Variants in GRID1 observed in about 807,000 individuals in gnomAD.
GRID1 encodes the protein glutamate receptor ionotropic, delta-1.
A neutral mutation model predicts 98.0 loss-of-function variants in GRID1; 28 were observed. The ratio of observed to expected loss-of-function variants is 0.29; its 90% CI spans 0.21 to 0.39. The LOEUF is 0.39. Among genes scored for constraint, GRID1 ranks in the 10% least tolerant of loss-of-function variants. GRID1 has a pLI of 1.00. For synonymous variants in GRID1, 553 were observed against 538.5 expected (o/e 1.03, Z -0.37); for missense variants, 1,111 against 1,340.5 (o/e 0.83, Z 2.67).
chr10:86,288,969 C>T (rs1449710788), intron 2 of GRID1, among the ~76,000 whole-genome samples: 2 of 152,180 alleles, frequency 1.3e-5, no homozygotes, highest in African/African-American at 4.8e-5. Flanking sequence ...CAGCTCACCC[C>T]ACCATGTCTG....
chr10:85,919,803 C>A (rs529809914), intron 4 of GRID1, among the ~76,000 whole-genome samples: 4 of 152,338 alleles, frequency 2.6e-5, no homozygotes, highest in African/African-American at 4.8e-5. Flanking sequence ...AGCCTTTTCA[C>A]TTCTCTGAGC....
At chr10:85,865,944 C>T (rs7342011) in intron 6 of GRID1, among the ~76,000 whole-genome samples, 7,206 of 64,850 alleles carry the variant, frequency 0.11, 453 homozygotes, top group South Asian at 0.16. Context: ...TATATATATA[C>T]ACATATATAT....
chr10:86,019,016 C>T (rs1274173868), intron 4 of GRID1, among the ~76,000 whole-genome samples: 2 of 152,232 alleles, frequency 1.3e-5, no homozygotes, highest in Non-Finnish European at 2.9e-5. Context: ...GGACACCTAA[C>T]ACTGGATTCT....
chr10:86,068,256 T>C (rs1194405717), intron 4 of GRID1, among the ~76,000 whole-genome samples: 1 of 152,100 alleles, frequency 6.6e-6, no homozygotes, highest in Non-Finnish European at 1.5e-5. Flanking sequence ...TGCAAACATA[T>C]TTGCATGTCA....
chr10:85,901,479 A>T (rs1247945374), intron 5 of GRID1, among the ~76,000 whole-genome samples: 1 of 152,066 alleles, frequency 6.6e-6, no homozygotes, highest in Non-Finnish European at 1.5e-5. Context: ...CAATCTCCTG[A>T]CCTCGTGATC....
At position 86,358,627 on chromosome 10, in the gene GRID1, G is replaced by A. The variant is rs531747160; in HGVS notation, c.235+5314C>T. The stretch of plus-strand genomic sequence containing the variant: ...CAAAAAATTAGCCGGGCATGGTGGC[G>A]GGCGCCTGTAGTCCCAGCTACTCGG... On this transcript the variant is annotated intron_variant, in intron 2 of 15. Coordinates refer to ENST00000327946, the MANE Select transcript of GRID1 (RefSeq NM_017551.3). Among the ~76,000 whole-genome samples the A allele has an allele frequency of 7.2e-5, 11 of 151,932 alleles. 1 individual carries two copies. The highest frequency in any genetic ancestry group is 1.9e-4 in the East Asian group (1 of 5,136).
intron 13 of GRID1, among the ~76,000 whole-genome samples, chr10:85,639,073 T>C (rs766882739): frequency 2.2e-4 from 33 of 152,180 alleles, no homozygotes; most frequent in Non-Finnish European, 4.0e-4. Context: ...CTTTCAAATT[T>C]AGCAAAGAAA....
chr10:85,636,594 A>C (rs574506040), intron 13 of GRID1, among the ~76,000 whole-genome samples: 1 of 152,372 alleles, frequency 6.6e-6, no homozygotes, highest in African/African-American at 2.4e-5. Flanking sequence ...AAAGCAAAAT[A>C]AAGCAAAAAT....
At chr10:86,246,508 G>C (rs1846729939) in intron 2 of GRID1, among the ~76,000 whole-genome samples, 4 of 152,124 alleles carry the variant, frequency 2.6e-5, no homozygotes, top group Admixed American at 2.6e-4. Flanking sequence ...CAGCTCACAG[G>C]GAAGAGGAGG....
intron 4 of GRID1, among the ~76,000 whole-genome samples, chr10:86,045,283 C>T (rs113010562): frequency 0.044 from 6,669 of 152,248 alleles, 173 homozygotes; most frequent in Middle Eastern, 0.068. Flanking sequence ...GACTCTGCTT[C>T]GGAAATCTTC....
At chr10:85,964,048 C>T (rs531572873) in intron 4 of GRID1, among the ~76,000 whole-genome samples, 4 of 151,974 alleles carry the variant, frequency 2.6e-5, no homozygotes, top group Non-Finnish European at 5.9e-5. Context: ...GCTACTAAGA[C>T]AATAAAATAC....
chr10:86,363,756 C>T (rs1055329367), intron 2 of GRID1, among the ~76,000 whole-genome samples, 185 bp downstream of exon 2: 32 of 152,258 alleles, frequency 2.1e-4, no homozygotes, highest in Non-Finnish European at 2.6e-4. Flanking sequence ...GCCCGCAGCG[C>T]AGAGCAGTCC....
At chr10:86,364,213 CT>C in intron 1 of GRID1, 117 bp from the exon 2 acceptor site, 2 of 797,260 alleles carry the variant, frequency 2.5e-6, no homozygotes, top group Non-Finnish European at 4.1e-6. Flanking sequence ...GAAGTCTGAA[CT>C]GGGATTTCAG....
chr10:85,895,400 C>CT (rs1841277533), intron 5 of GRID1, among the ~76,000 whole-genome samples: 1 of 152,076 alleles, frequency 6.6e-6, no homozygotes, highest in Admixed American at 6.6e-5. Flanking sequence ...GCTCTAGTGT[C>CT]TCCTCAGCTC....
At chr10:86,147,015 T>C (rs68144202) in intron 3 of GRID1, among the ~76,000 whole-genome samples, 7,639 of 152,294 alleles carry the variant, frequency 0.05, 213 homozygotes, top group African/African-American at 0.056. Flanking sequence ...TCCCCCATCA[T>C]AGGGTGACAA....
intron 3 of GRID1, among the ~76,000 whole-genome samples, chr10:86,193,379 A>G (rs1333329295): frequency 1.3e-5 from 2 of 152,122 alleles, no homozygotes; most frequent in Non-Finnish European, 2.9e-5. Flanking sequence ...GAAGCAACGC[A>G]AGGCACGTTA....
chr10:85,764,335 T>C (rs1188630007), intron 8 of GRID1, among the ~76,000 whole-genome samples: 1 of 152,186 alleles, frequency 6.6e-6, no homozygotes, highest in Non-Finnish European at 1.5e-5. Flanking sequence ...GCAAATGAAC[T>C]CACCACAGGG....
rs185382849 is a variant in GRID1 at position 85,733,069 on chromosome 10, A to G, written c.1234-3455T>C. On this transcript the variant is annotated intron_variant, in intron 8 of 15. Coordinates refer to ENST00000327946, the MANE Select transcript of GRID1 (RefSeq NM_017551.3). ...AAAAGTTGTAGATATTGTACACAGAATGTCAATAGATCCATAAGCCAGTTT... is the reference window on the plus strand; with the variant it reads ...AAAAGTTGTAGATATTGTACACAGAGTGTCAATAGATCCATAAGCCAGTTT... Among the ~76,000 whole-genome samples the G allele has an allele frequency of 5.6e-3, 848 of 152,336 alleles. 6 individuals carry two copies. Among genetic ancestry groups the G allele is most frequent in the Non-Finnish European group, 9.5e-3 (648 of 68,024 alleles).
chr10:85,800,800 C>T (rs1451135626), intron 8 of GRID1, among the ~76,000 whole-genome samples: 1 of 151,944 alleles, frequency 6.6e-6, no homozygotes, highest in Non-Finnish European at 1.5e-5. Context: ...ATCATAACAA[C>T]CTATGAGGTG....
Sources: gnomAD v4.1 joint callset for allele counts (sites outside exome capture counted in the v4.1 genomes callset) on GRCh38, gnomAD v4.1.1 for gene constraint, MANE v1.5 for transcripts, NCBI Gene and HGNC (gene_info 2026-07-23, HGNC 2026-07-21) for gene names.